The following EVL variants were observed in gnomAD, a reference collection of about 807,000 sequenced individuals.
EVL encodes Enah/Vasp-like.
A neutral mutation model predicts 59.6 loss-of-function variants in EVL; 21 were observed. The ratio of observed to expected loss-of-function variants is 0.35; its 90% CI spans 0.25 to 0.51. The LOEUF (loss-of-function observed/expected upper bound fraction) is 0.51. Among genes scored for constraint, EVL ranks in the 20% least tolerant of loss-of-function variants. EVL has a pLI of 0.97. For synonymous variants in EVL, 198 were observed against 203.5 expected (o/e 0.97, Z 0.23); for missense variants, 462 against 546.6 (o/e 0.85, Z 1.54).
intron 1 of EVL, among the ~76,000 whole-genome samples, chr14:100,000,433 C>T (rs575969552): frequency 6.6e-5 from 10 of 150,924 alleles, no homozygotes; most frequent in African/African-American, 1.7e-4. Flanking sequence ...CTGCAACTTC[C>T]GCCTCCTGGG....
chr14:100,095,140 C>T (rs1342288086), intron 2 of EVL, among the ~76,000 whole-genome samples: 1 of 152,196 alleles, frequency 6.6e-6, no homozygotes, highest in Non-Finnish European at 1.5e-5. Flanking sequence ...CCCAGAATAT[C>T]TCCTCACGTA....
intron 1 of EVL, among the ~76,000 whole-genome samples, chr14:99,994,802 C>T (rs551611180): frequency 9.7e-4 from 147 of 152,196 alleles, no homozygotes; most frequent in Middle Eastern, 6.8e-3. Context: ...TTCAACTTGA[C>T]GTCCCTTTAG....
chr14:100,106,909 A>G (rs1886605236), intron 3 of EVL: 1 of 398,682 alleles, frequency 2.5e-6, no homozygotes, highest in Non-Finnish European at 4.4e-6. Flanking sequence ...AAGAGAAGCC[A>G]GGATGAGAAC....
intron 3 of EVL, among the ~76,000 whole-genome samples, chr14:100,099,180 A>C (rs367657378): frequency 0.01 from 1,097 of 109,378 alleles, 11 homozygotes; most frequent in African/African-American, 0.043. Context: ...CTGTCTCTAC[A>C]AAAAAAAAAA....
intron 1 of EVL, among the ~76,000 whole-genome samples, chr14:100,080,160 C>T (rs527468623): frequency 6.6e-6 from 1 of 151,832 alleles, no homozygotes; most frequent in South Asian, 2.1e-4. Context: ...CTTCCCTGGG[C>T]CACATTGGAA....
intron 1 of EVL, among the ~76,000 whole-genome samples, chr14:100,005,168 T>A (rs980191120): frequency 4.6e-5 from 7 of 152,208 alleles, no homozygotes; most frequent in South Asian, 2.1e-4. Flanking sequence ...TGTTCATTGC[T>A]GAGCATAGGC....
At chr14:100,023,093 A>G (rs1287645869) in intron 1 of EVL, among the ~76,000 whole-genome samples, 1 of 151,978 alleles carries the variant, frequency 6.6e-6, no homozygotes, top group Non-Finnish European at 1.5e-5. Context: ...ACAGCTGCCT[A>G]GGGGATTTTT....
Position 99,972,330 on chromosome 14 carries a change from T to G in EVL, c.5+273T>G, listed in dbSNP as rs889759042. Among the ~76,000 whole-genome samples the G allele has an allele frequency of 6.6e-6, 1 of 151,736 alleles. No individual in the cohort carries two copies. Among genetic ancestry groups the G allele is most frequent in the African/African-American group, 2.4e-5 (1 of 41,280 alleles). ...GCAGGCGGCGCTGGCTTTGGCTGCT[T>G]GTGGGGTCCTCTTAGGCTCCGGGGG... On this transcript the variant is annotated intron_variant, in intron 1 of 13. Coordinates refer to the EVL transcript ENST00000402714. The surrounding 1 kb of genome is among the most constrained non-coding windows in gnomAD (Gnocchi z 4.4).
chr14:100,102,462 G>T, intron 3 of EVL: 2 of 436,312 alleles, frequency 4.6e-6, no homozygotes, highest in South Asian at 3.2e-5. Context: ...TTTAGGAGTT[G>T]TTATTGTTAT....
intron 2 of EVL, among the ~76,000 whole-genome samples, chr14:100,092,364 G>C (rs1214866359): frequency 3.9e-5 from 6 of 152,138 alleles, no homozygotes; most frequent in Admixed American, 3.9e-4. Context: ...TATCAGCCAA[G>C]AATGCAAAAC....
intron 1 of EVL, among the ~76,000 whole-genome samples, chr14:100,041,461 G>C (rs1879216295): frequency 6.6e-6 from 1 of 152,216 alleles, no homozygotes; most frequent in South Asian, 2.1e-4. Context: ...AAGGAGGGAT[G>C]GGGCAATTTC....
At chr14:99,990,036 A>G (rs560510020) in intron 1 of EVL, among the ~76,000 whole-genome samples, 1 of 152,302 alleles carries the variant, frequency 6.6e-6, no homozygotes, top group South Asian at 2.1e-4. Flanking sequence ...AAATATGGCA[A>G]TCATTTCCCC....
intron 1 of EVL, among the ~76,000 whole-genome samples, chr14:99,982,583 C>T (rs767930129): frequency 3.3e-5 from 5 of 151,874 alleles, no homozygotes; most frequent in South Asian, 2.1e-4. Context: ...AGAGGGAGAG[C>T]GGGGGGAAAA....
chr14:100,075,261 G>A (rs1435289007), intron 1 of EVL, among the ~76,000 whole-genome samples: 1 of 152,250 alleles, frequency 6.6e-6, no homozygotes, highest in Non-Finnish European at 1.5e-5. Flanking sequence ...GCCGGGCCTT[G>A]TCTTGGGGCT....
intron 5 of EVL, 113 bp downstream of exon 5, chr14:100,126,884 C>A: frequency 1.0e-6 from 1 of 985,964 alleles, no homozygotes. Flanking sequence ...CTATGGGGAG[C>A]CTAGGTCTCA....
Position 100,135,886 on chromosome 14 carries a change from C to G in EVL, c.901-19C>G, listed in dbSNP as rs761638668. 1.9e-6 allele frequency: 3 copies of G among 1,613,868 alleles called. No individual in the cohort carries two copies. In the East Asian group the frequency reaches 6.7e-5, roughly 36 times the overall value. ...CCCAGGTGGCCTTCCTAAACAGACT[C>G]CCTTCTTCTCCATTTTAGGAAGATC... On this transcript the variant is annotated intron_variant, in intron 8 of 13. Transcript: ENST00000392920.
At chr14:99,988,523 G>T (rs1263610069) in intron 1 of EVL, among the ~76,000 whole-genome samples, 4 of 152,142 alleles carry the variant, frequency 2.6e-5, no homozygotes, top group African/African-American at 9.7e-5. Flanking sequence ...AAAACGGTTT[G>T]TCAGTTTTTC....
intron 3 of EVL, among the ~76,000 whole-genome samples, chr14:100,098,594 A>G (rs2140321942): frequency 6.6e-6 from 1 of 152,336 alleles, no homozygotes; most frequent in South Asian, 2.1e-4. Context: ...GCAGAATTAC[A>G]TGTGGCTTTT....
rs530682736 is a variant in EVL, at chr14:100,011,867, C to T, written c.5+39810C>T. Reference sequence around the variant, plus strand: ...TCTTTTGTTGTTGTTAATAGTACTACTGTTGACTTGTATAGCACTTAAAAT... The same window carrying T: ...TCTTTTGTTGTTGTTAATAGTACTATTGTTGACTTGTATAGCACTTAAAAT... On this transcript the variant is annotated intron_variant, in intron 1 of 13. Coordinates refer to the EVL transcript ENST00000402714. Among the ~76,000 whole-genome samples the T allele has an allele frequency of 2.8e-3, 434 of 152,312 alleles. 2 individuals are homozygous for T. The highest frequency in any genetic ancestry group is 1.0e-2 in the African/African-American group (415 of 41,572).
Sources: allele counts gnomAD v4.1 joint callset (sites outside exome capture counted in the v4.1 genomes callset), GRCh38; gene constraint gnomAD v4.1.1; non-coding constraint Gnocchi (gnomAD v3.1); transcripts MANE v1.5; gene names NCBI Gene and HGNC (gene_info 2026-07-23, HGNC 2026-07-21).